Variants in AGBL1 observed in about 807,000 individuals in gnomAD.
The protein encoded by AGBL1 is AGBL carboxypeptidase 1.
In AGBL1, 130 loss-of-function variants were observed where a neutral mutation model predicts 118.9. That is an observed-to-expected ratio of 1.09 (90% confidence interval 0.95 to 1.26). AGBL1 has a LOEUF of 1.26. AGBL1 is among the 50% of genes most tolerant of loss of function. The pLI is 0.00. For missense variants in AGBL1, 1,584 were observed against 1,298.1 expected (o/e 1.22, Z -3.38); for synonymous variants, 555 against 478.9 (o/e 1.16, Z -2.08).
At chr15:86,918,398 A>G (rs139715723), downstream of AGBL1, among the ~76,000 whole-genome samples, 11 of 152,298 alleles carry the variant, frequency 7.2e-5, no homozygotes, top group East Asian at 2.1e-3. Context: ...AAATGTTCCT[A>G]GTGGCAGTGG....
intron 15 of AGBL1, among the ~76,000 whole-genome samples, chr15:86,279,299 C>A (rs2079308686): frequency 6.6e-6 from 1 of 152,064 alleles, no homozygotes; most frequent in Non-Finnish European, 1.5e-5. Flanking sequence ...CAATTGAAAC[C>A]CAAGAAAAAC....
At chr15:86,653,536 T>C (rs2085412441) in intron 21 of AGBL1, among the ~76,000 whole-genome samples, 1 of 152,166 alleles carries the variant, frequency 6.6e-6, no homozygotes, top group South Asian at 2.1e-4. Context: ...GCTTGGTTCT[T>C]TTTTATAAAC....
At position 87,026,511 on chromosome 15, in the gene AGBL1, G is replaced by A. The variant is rs531183502; in HGVS notation, c.3324-2314G>A. ...CAAAAAAATAGTAGACGTTGGCATG[G>A]ATGTGGTGAACAGGGAACACTTCTA... On this transcript the variant is annotated intron_variant, in intron 24 of 24. Transcript: ENST00000441037. Among the ~76,000 whole-genome samples, 102 of 152,180 alleles carry A rather than the reference G, an allele frequency of 6.7e-4. 1 individual carries two copies. Among genetic ancestry groups the A allele is most frequent in the African/African-American group, 2.4e-3 (100 of 41,540 alleles).
chr15:86,534,112 T>TAAAAAAAA (rs61563504), intron 19 of AGBL1, among the ~76,000 whole-genome samples: 1 of 96,516 alleles, frequency 1.0e-5, no homozygotes, highest in African/African-American at 3.7e-5. Flanking sequence ...TAAAGTATAA[T>TAAAAAAAA]AAAAAAAAAA....
intron 1 of AGBL1, among the ~76,000 whole-genome samples, chr15:86,103,888 G>T (rs1167800089): frequency 1.3e-5 from 2 of 152,220 alleles, no homozygotes; most frequent in African/African-American, 4.8e-5. Context: ...GGGCCAGGTG[G>T]ATGGGTGGGT....
At chr15:86,815,182 G>A (rs1323112483) in intron 22 of AGBL1, among the ~76,000 whole-genome samples, 2 of 152,154 alleles carry the variant, frequency 1.3e-5, no homozygotes, top group East Asian at 3.9e-4. Context: ...CCACAGTAAT[G>A]ACTTAAGTAC....
intron 18 of AGBL1, among the ~76,000 whole-genome samples, chr15:86,518,067 C>T (rs895648167): frequency 1.3e-5 from 2 of 152,194 alleles, no homozygotes; most frequent in African/African-American, 4.8e-5. Context: ...TCTAGCCTGG[C>T]ATCATTCATT....
At chr15:86,723,057 G>C (rs1051186706) in intron 22 of AGBL1, among the ~76,000 whole-genome samples, 1 of 152,176 alleles carries the variant, frequency 6.6e-6, no homozygotes, top group Non-Finnish European at 1.5e-5. Context: ...CTGTTGGTGG[G>C]ACTGTAAACT....
chr15:86,874,898 A>C (rs1015007855), intron 22 of AGBL1, among the ~76,000 whole-genome samples: 3 of 152,042 alleles, frequency 2.0e-5, no homozygotes, highest in Non-Finnish European at 4.4e-5. Context: ...ACAGTTCAAA[A>C]ATGCCACTGT....
intron 1 of AGBL1, among the ~76,000 whole-genome samples, chr15:86,084,081 T>G (rs556593348): frequency 3.9e-4 from 59 of 152,140 alleles, no homozygotes; most frequent in Non-Finnish European, 8.1e-4. Context: ...TTTCAAGCAT[T>G]AGTAGAAGCA....
chr15:86,891,366 G>A (rs966534225), intron 22 of AGBL1, among the ~76,000 whole-genome samples: 2 of 152,084 alleles, frequency 1.3e-5, no homozygotes, highest in Non-Finnish European at 2.9e-5. Flanking sequence ...TTTTACAGCA[G>A]TGTAGTTGAG....
intron 22 of AGBL1, among the ~76,000 whole-genome samples, chr15:86,766,720 T>C (rs1344476289): frequency 2.0e-5 from 3 of 151,984 alleles, no homozygotes; most frequent in Non-Finnish European, 4.4e-5. Flanking sequence ...AGAGATACTG[T>C]CAAAAAGACA....
At chr15:86,218,337 A>C (rs147285897) in intron 5 of AGBL1, among the ~76,000 whole-genome samples, 1 of 152,132 alleles carries the variant, frequency 6.6e-6, no homozygotes, top group East Asian at 1.9e-4. Flanking sequence ...CCACTCTCTG[A>C]AAAGGGGACG....
At chr15:86,951,299 C>A (rs2080878264) in intron 23 of AGBL1, among the ~76,000 whole-genome samples, 1 of 152,180 alleles carries the variant, frequency 6.6e-6, no homozygotes, top group South Asian at 2.1e-4. Flanking sequence ...TACCCACATA[C>A]CCTAAGTTTT....
At chr15:86,159,627 G>A (rs1186181221) in intron 5 of AGBL1, among the ~76,000 whole-genome samples, 2 of 151,940 alleles carry the variant, frequency 1.3e-5, no homozygotes, top group Non-Finnish European at 2.9e-5. Flanking sequence ...AAGTTAAAAA[G>A]GGAGATGGTT....
chr15:86,558,663 T>C (rs1031585348), intron 21 of AGBL1, among the ~76,000 whole-genome samples: 2 of 152,200 alleles, frequency 1.3e-5, no homozygotes, highest in Admixed American at 1.3e-4. Flanking sequence ...GCACTTAAAT[T>C]GTTGGAGATG....
chr15:86,883,770 G>T (rs1025007580), intron 22 of AGBL1, among the ~76,000 whole-genome samples: 1 of 151,992 alleles, frequency 6.6e-6, no homozygotes, highest in African/African-American at 2.4e-5. Context: ...AATAAAATTT[G>T]TAGACTAATG....
At chr15:86,241,873 T>C (rs2078646552) in intron 6 of AGBL1, among the ~76,000 whole-genome samples, 1 of 152,200 alleles carries the variant, frequency 6.6e-6, no homozygotes, top group African/African-American at 2.4e-5. Context: ...TCTGTTCTTC[T>C]TGTTGTTATG....
intron 17 of AGBL1, among the ~76,000 whole-genome samples, chr15:86,375,304 C>G (rs989378734): frequency 6.6e-6 from 1 of 152,142 alleles, no homozygotes; most frequent in African/African-American, 2.4e-5. Context: ...ACCTTCTTCA[C>G]AAGTCGGCAG....
Sources: gnomAD v4.1 joint callset for allele counts (sites outside exome capture counted in the v4.1 genomes callset) on GRCh38, gnomAD v4.1.1 for gene constraint, MANE v1.5 for transcripts, NCBI Gene and HGNC (gene_info 2026-07-23, HGNC 2026-07-21) for gene names.